Variants in MFF observed in about 807,000 individuals in gnomAD.
MFF encodes the protein chromosome 2 open reading frame 33.
In MFF, 12 loss-of-function variants were observed where a neutral mutation model predicts 36.9. The ratio of observed to expected loss-of-function variants is 0.33; its 90% confidence interval spans 0.21 to 0.53. MFF has a LOEUF of 0.53. Among genes scored for constraint, MFF ranks in the 20% least tolerant of loss-of-function variants. The pLI is 0.95. For synonymous variants in MFF, 99 were observed against 126.2 expected (o/e 0.78, Z 1.44); for missense variants, 348 against 366.6 (o/e 0.95, Z 0.42).
rs2074612798 is a variant in MFF at position 227,331,971 on chromosome 2, T to A, written c.182-448T>A. On this transcript the variant is annotated intron_variant, in intron 3 of 8. Transcript: ENST00000304593. The stretch of plus-strand genomic sequence containing the variant: ...ATACGCTGGAAGCATTTTTTTTTTT[T>A]TTTTTTTTTTTTTTTTTTGAGACGG... 5.5e-5 allele frequency among the ~76,000 whole-genome samples: 7 copies of A among 126,264 alleles called. No individual in the cohort carries two copies. The South Asian group carries it at 1.1e-3, about 20-fold the overall frequency. The allele number at this position is 126,264 out of a possible 152,430, so 82.8% of individuals were successfully genotyped here. A position where few individuals can be genotyped will look rare whatever the true frequency, so the allele number is the denominator to read the frequency against.
chr2:227,354,712 G>C (rs1412056144), intron 7 of MFF, among the ~76,000 whole-genome samples: 1 of 148,526 alleles, frequency 6.7e-6, no homozygotes, highest in Non-Finnish European at 1.5e-5. Flanking sequence ...GCTTTCTCTG[G>C]ATTTTGTCTT....
intron 2 of MFF, 33 bp from the exon 3 acceptor site, chr2:227,330,593 A>G (rs2074497242): frequency 7.7e-7 from 1 of 1,304,066 alleles, no homozygotes; most frequent in African/African-American, 2.3e-5. Flanking sequence ...ACATTTTAAC[A>G]GTCAGCCCTG....
chr2:227,329,673 T>C, intron 2 of MFF: 2 of 1,080,836 alleles, frequency 1.9e-6, no homozygotes, highest in East Asian at 4.8e-5. Context: ...GGGGAATTGT[T>C]GTGTAAAGTA....
At position 227,332,225 on chromosome 2, in the gene MFF, G is replaced by A. The variant is rs868638903; in HGVS notation, c.182-194G>A. 4.6e-5 allele frequency among the ~76,000 whole-genome samples: 7 copies of A among 151,968 alleles called. No homozygotes were observed. In the South Asian group the frequency reaches 1.5e-3, roughly 32 times the overall value. ...TTGACCTCGTGATCCGCCCGCCTCGGCCTCCCAAAGTGCTGGGATTACAGG... is the reference window on the plus strand; with the variant it reads ...TTGACCTCGTGATCCGCCCGCCTCGACCTCCCAAAGTGCTGGGATTACAGG... On this transcript the variant is annotated intron_variant, in intron 3 of 8. Coordinates refer to ENST00000304593, the MANE Select transcript of MFF (RefSeq NM_001277062.2).
intron 6 of MFF, 31 bp from the exon 7 acceptor site, chr2:227,352,483 T>G (rs368752782): frequency 1.7e-5 from 26 of 1,511,950 alleles, no homozygotes; most frequent in African/African-American, 4.9e-5. Flanking sequence ...TGATTCTGTC[T>G]TGTGCCTTCT....
intron 2 of MFF, chr2:227,330,195 AT>A (rs2074469834): frequency 5.8e-6 from 1 of 170,968 alleles, no homozygotes; most frequent in Non-Finnish European, 1.2e-5. Flanking sequence ...TAAAGGTTTT[AT>A]TTTTTCATGC....
At chr2:227,326,981 A>G (rs2074200795) in intron 1 of MFF, among the ~76,000 whole-genome samples, 1 of 152,194 alleles carries the variant, frequency 6.6e-6, no homozygotes, top group Admixed American at 6.5e-5. Flanking sequence ...CGCTAGTGGC[A>G]TGTGACTTGA....
Position 227,352,559 on chromosome 2 carries a change from T to C in MFF, c.645T>C (p.His215=). The C allele has an allele frequency of 6.2e-7, 1 of 1,613,746 alleles. No homozygotes were observed. The highest frequency in any genetic ancestry group is 8.5e-7 in the Non-Finnish European group (1 of 1,179,724). The change falls in exon 7 of 9, where the codon CAT becomes CAC. Residue 215 remains histidine (H), a synonymous_variant. Coordinates refer to ENST00000304593, the MANE Select transcript of MFF (RefSeq NM_001277062.2). ...GGSAAATSNP[H]HDNVRYGISN... ...CTGCTGCCGCCACTTCTAATCCTCA[T>C]CATGACAACGTCAGGTAAATTTTGA...
At chr2:227,349,931 CTA>C (rs1267502512) in intron 6 of MFF, among the ~76,000 whole-genome samples, 3 of 152,078 alleles carry the variant, frequency 2.0e-5, no homozygotes, top group Non-Finnish European at 4.4e-5. Flanking sequence ...TTAATTTAAA[CTA>C]GAACTATTTG....
chr2:227,330,853 C>T lies in MFF; in HGVS notation c.181+7C>T. ...GAGAGGATTGTTGTAGCAGGTATTT[C>T]ACCTTTACTTAGAAGGTTGCCTGTT... On this transcript the variant is annotated splice_region_variant and intron_variant, in intron 3 of 8. Coordinates refer to ENST00000304593, the MANE Select transcript of MFF (RefSeq NM_001277062.2). 1.4e-6 allele frequency: 2 copies of T among 1,439,052 alleles called. No individual in the cohort carries two copies. Among genetic ancestry groups the T allele is most frequent in the Non-Finnish European group, 1.9e-6 (2 of 1,070,386 alleles). 89.1% of individuals were successfully genotyped at this position (1,439,052 alleles called of 1,614,324 possible).
chr2:227,330,681 C>G lies in MFF; in HGVS notation c.16C>G (p.Arg6Gly). 1 of 1,614,076 alleles carries G rather than the reference C, an allele frequency of 6.2e-7. No individual in the cohort carries two copies. Among genetic ancestry groups the G allele is most frequent in the South Asian group, 1.1e-5 (1 of 91,074 alleles). MAEIS[R>G]IQYEMEYTEG... is the part of the protein sequence containing the mutation. ...TGCTGCTGAGATGGCAGAAATTAGT[C>G]GAATTCAGTACGAAATGGAATATAC... Residue 6 changes from arginine to glycine, a missense_variant, in exon 3 of 9, where the codon CGA becomes GGA. Physicochemically the swap from Arg to Gly is moderately radical, Grantham distance 125. Coordinates refer to ENST00000304593, the MANE Select transcript of MFF (RefSeq NM_001277062.2).
intron 7 of MFF, among the ~76,000 whole-genome samples, chr2:227,354,164 T>A (rs998146198): frequency 6.6e-6 from 1 of 152,224 alleles, no homozygotes; most frequent in Non-Finnish European, 1.5e-5. Context: ...GGTTGTAGAT[T>A]ATCTAGAGTC....
chr2:227,355,795 G>A, intron 8 of MFF, 34 bp downstream of exon 8: 7 of 1,300,906 alleles, frequency 5.4e-6, no homozygotes, highest in Non-Finnish European at 7.8e-6. Flanking sequence ...ATATTTCTCA[G>A]TTATATTCAT....
intron 4 of MFF, among the ~76,000 whole-genome samples, chr2:227,339,823 A>G (rs936067274): frequency 6.6e-6 from 1 of 152,232 alleles, no homozygotes; most frequent in African/African-American, 2.4e-5. Flanking sequence ...ATTAAGCTAG[A>G]TACATTTTTA....
At chr2:227,350,697 A>G (rs979251103) in intron 6 of MFF, among the ~76,000 whole-genome samples, 7 of 152,188 alleles carry the variant, frequency 4.6e-5, no homozygotes, top group Admixed American at 3.3e-4. Context: ...TATAGCAAAG[A>G]AACACATATT....
intron 6 of MFF, 93 bp from the exon 7 acceptor site, chr2:227,352,421 T>A (rs2076044513): frequency 1.1e-6 from 1 of 887,680 alleles, no homozygotes; most frequent in Non-Finnish European, 1.9e-6. Context: ...ATAATCCTAT[T>A]TGACATTTAT....
At chr2:227,356,405 G>C (rs754182587) in intron 8 of MFF, among the ~76,000 whole-genome samples, 2 of 152,142 alleles carry the variant, frequency 1.3e-5, no homozygotes, top group Non-Finnish European at 2.9e-5. Context: ...TAACAGCAAG[G>C]ATGGTACTGT....
At chr2:227,351,910 C>A (rs2076014483) in intron 6 of MFF, 1 of 152,292 alleles carries the variant, frequency 6.6e-6, no homozygotes, top group Non-Finnish European at 1.5e-5. Flanking sequence ...GTCTCCTGAT[C>A]TCAGCTTCAG....
chr2:227,344,593 T>G (rs1032567134), intron 5 of MFF, among the ~76,000 whole-genome samples: 1 of 152,238 alleles, frequency 6.6e-6, no homozygotes, highest in Non-Finnish European at 1.5e-5. Flanking sequence ...AATTGCTAAA[T>G]TATTTATTGC....
Sources: gnomAD v4.1 joint callset for allele counts (sites outside exome capture counted in the v4.1 genomes callset) on GRCh38, gnomAD v4.1.1 for gene constraint, MANE v1.5 for transcripts, NCBI Gene and HGNC (gene_info 2026-07-23, HGNC 2026-07-21) for gene names.